The following PRSS23 variants were observed in gnomAD, a reference collection of about 807,000 sequenced individuals.
The protein encoded by PRSS23 is serine protease 23, also known as protease, serine 23.
A neutral mutation model predicts 34.7 loss-of-function variants in PRSS23; 25 were observed. The ratio of observed to expected loss-of-function variants is 0.72; its 90% confidence interval spans 0.53 to 1.01. The LOEUF (loss-of-function observed/expected upper bound fraction) is 1.01, where lower values mean the gene tolerates loss of function less well. Among genes scored for constraint, PRSS23 ranks in the 50% least tolerant of loss-of-function variants. The probability of loss-of-function intolerance (pLI) is 0.00; values close to 1 mark genes in which losing one functional copy is unlikely to be tolerated. For synonymous variants in PRSS23, 176 were observed against 186.6 expected (o/e 0.94, Z 0.46); for missense variants, 445 against 475.6 (o/e 0.94, Z 0.60).
At chr11:86,832,197 A>G (rs1948363236) in intron 2 of PRSS23, among the ~76,000 whole-genome samples, 1 of 152,104 alleles carries the variant, frequency 6.6e-6, no homozygotes, top group African/African-American at 2.4e-5. Flanking sequence ...GTAGGGAGAT[A>G]TAATTCCTAA....
At chr11:86,867,759 C>T (rs571381895) in intron 2 of PRSS23, among the ~76,000 whole-genome samples, 1 of 151,354 alleles carries the variant, frequency 6.6e-6, no homozygotes, top group African/African-American at 2.4e-5. Flanking sequence ...TGCTTATAGT[C>T]CCAGCTACTT....
At chr11:86,832,084 C>T (rs1202759545) in intron 2 of PRSS23, among the ~76,000 whole-genome samples, 1 of 151,984 alleles carries the variant, frequency 6.6e-6, no homozygotes, top group Non-Finnish European at 1.5e-5. Flanking sequence ...CATGTATGTA[C>T]ACCCCCTGTG....
chr11:86,924,531 C>T (rs983382973), intron 2 of PRSS23, among the ~76,000 whole-genome samples: 1 of 152,164 alleles, frequency 6.6e-6, no homozygotes, highest in Non-Finnish European at 1.5e-5. Flanking sequence ...CTGGAAAATG[C>T]GAACTGGACT....
intron 2 of PRSS23, among the ~76,000 whole-genome samples, chr11:86,848,661 G>C (rs1022348909): frequency 2.0e-5 from 3 of 152,152 alleles, no homozygotes; most frequent in Admixed American, 2.0e-4. Flanking sequence ...CCTAAGAAGC[G>C]GCCGATATTA....
intron 2 of PRSS23, among the ~76,000 whole-genome samples, chr11:86,858,917 G>A (rs1948592569): frequency 6.6e-6 from 1 of 151,604 alleles, no homozygotes; most frequent in African/African-American, 2.4e-5. Flanking sequence ...GGAGGGAGAG[G>A]ATGATATTAC....
intron 2 of PRSS23, among the ~76,000 whole-genome samples, chr11:86,904,626 A>G (rs1370818061): frequency 6.6e-6 from 1 of 152,202 alleles, no homozygotes; most frequent in Non-Finnish European, 1.5e-5. Flanking sequence ...AATGTTCAAT[A>G]GTCAATACTT....
chr11:86,860,098 G>T (rs1281525318), intron 2 of PRSS23, among the ~76,000 whole-genome samples: 1 of 151,644 alleles, frequency 6.6e-6, no homozygotes, highest in Admixed American at 6.6e-5. Context: ...AACATCCAGG[G>T]GAAACAAGGA....
chr11:86,878,226 C>T (rs79914068), intron 2 of PRSS23, among the ~76,000 whole-genome samples: 1 of 61,256 alleles, frequency 1.6e-5, no homozygotes, highest in Non-Finnish European at 3.0e-5. Context: ...CTCCCCCTAC[C>T]CCTCCCCCTC....
At chr11:86,807,169 C>T (rs1048284546) in intron 1 of PRSS23, among the ~76,000 whole-genome samples, 2 of 151,964 alleles carry the variant, frequency 1.3e-5, no homozygotes, top group Non-Finnish European at 2.9e-5. Flanking sequence ...CTCTGAGTGA[C>T]CAAGTTGCTC....
At chr11:86,940,624 C>T (rs144018446) in intron 2 of PRSS23, among the ~76,000 whole-genome samples, 1 of 152,180 alleles carries the variant, frequency 6.6e-6, no homozygotes, top group Non-Finnish European at 1.5e-5. Context: ...CTCCCCTGTG[C>T]TGAGCGCAGG....
chr11:86,847,595 T>G (rs2134913402), intron 2 of PRSS23, among the ~76,000 whole-genome samples: 1 of 152,150 alleles, frequency 6.6e-6, no homozygotes. Flanking sequence ...GTGTTTAAAA[T>G]TCCAGATGGG....
chr11:86,794,838 T>C (rs1221959065), intron 1 of PRSS23, among the ~76,000 whole-genome samples: 1 of 152,184 alleles, frequency 6.6e-6, no homozygotes, highest in Non-Finnish European at 1.5e-5. Flanking sequence ...TTAAACATTA[T>C]AAGAAAAATG....
At chr11:86,940,846 G>C (rs1949202560) in intron 2 of PRSS23, 1 of 152,176 alleles carries the variant, frequency 6.6e-6, no homozygotes, top group Non-Finnish European at 1.5e-5. Flanking sequence ...AACTTCTATA[G>C]AGCAATCTCT....
intron 2 of PRSS23, among the ~76,000 whole-genome samples, chr11:86,829,939 G>A (rs977424956): frequency 1.4e-4 from 22 of 152,278 alleles, no homozygotes; most frequent in African/African-American, 4.8e-4. Context: ...GGTGTCAGGG[G>A]TCAGGGACCC....
intron 2 of PRSS23, among the ~76,000 whole-genome samples, chr11:86,891,145 C>G (rs1948838777): frequency 6.6e-6 from 1 of 152,150 alleles, no homozygotes; most frequent in African/African-American, 2.4e-5. Context: ...CAGACTGAGC[C>G]TGTGAGACAT....
At chr11:86,841,577 A>T (rs964402241) in intron 2 of PRSS23, among the ~76,000 whole-genome samples, 8 of 152,182 alleles carry the variant, frequency 5.3e-5, no homozygotes, top group Admixed American at 3.9e-4. Context: ...AATCAAATAG[A>T]CACAATAAAA....
At chr11:86,814,679 C>A (rs1948203031), downstream of PRSS23, among the ~76,000 whole-genome samples, 1 of 152,198 alleles carries the variant, frequency 6.6e-6, no homozygotes, top group Admixed American at 6.5e-5. Context: ...ACCATGCAAG[C>A]ATGGGGCACT....
At chr11:86,885,983 A>G (rs989864180) in intron 2 of PRSS23, among the ~76,000 whole-genome samples, 6 of 152,216 alleles carry the variant, frequency 3.9e-5, no homozygotes, top group African/African-American at 1.2e-4. Flanking sequence ...AATGATGATG[A>G]TGATGATGGT....
intron 2 of PRSS23, among the ~76,000 whole-genome samples, chr11:86,905,312 A>G (rs1948935167): frequency 6.6e-6 from 1 of 152,208 alleles, no homozygotes. Flanking sequence ...TGGCTATTCC[A>G]CAGGGCTATG....
Sources: gnomAD v4.1 joint callset for allele counts (sites outside exome capture counted in the v4.1 genomes callset) on GRCh38, gnomAD v4.1.1 for gene constraint, MANE v1.5 for transcripts, NCBI Gene and HGNC (gene_info 2026-07-23, HGNC 2026-07-21) for gene names.